The following SLC2A9 variants were observed in gnomAD, a reference collection of about 807,000 sequenced individuals.
SLC2A9 encodes solute carrier family 2, facilitated glucose transporter member 9.
A neutral mutation model predicts 50.6 loss-of-function variants in SLC2A9; 39 were observed. The ratio of observed to expected loss-of-function variants is 0.77; its 90% CI spans 0.60 to 1.01. The LOEUF is 1.01. Ranked by LOEUF, SLC2A9 falls within the 50% of genes least tolerant of loss-of-function variation. SLC2A9 has a pLI of 0.00. For synonymous variants in SLC2A9, 324 were observed against 276.9 expected, an observed-to-expected ratio of 1.17 and a Z score of -1.69; for missense variants, 686 against 677.6, an observed-to-expected ratio of 1.01 and a Z score of -0.14.
intron 11 of SLC2A9, among the ~76,000 whole-genome samples, chr4:9,833,640 C>T (rs941799852): frequency 6.6e-6 from 1 of 152,094 alleles, no homozygotes; most frequent in Non-Finnish European, 1.5e-5. Context: ...CTTGGAGTGC[C>T]GCAAATACTG....
At chr4:10,004,414 A>G (rs1760404639) in intron 2 of SLC2A9, among the ~76,000 whole-genome samples, 1 of 152,170 alleles carries the variant, frequency 6.6e-6, no homozygotes, top group Admixed American at 6.5e-5. Flanking sequence ...CAAGGAGTGT[A>G]AGTACAAGGG....
chr4:9,870,025 G>A (rs889640487), intron 10 of SLC2A9, among the ~76,000 whole-genome samples: 1 of 152,360 alleles, frequency 6.6e-6, no homozygotes, highest in Non-Finnish European at 1.5e-5. Context: ...CATAGGGGAA[G>A]GCCTGTGAAG....
chr4:9,870,580 A>C lies in SLC2A9; in HGVS notation c.1291+16987T>G, dbSNP rs76676064. Reference sequence around the variant, plus strand: ...GGTTTTCTGGAGGGTTTTGGCAAAAAATCATAAGGAACACTGCCACGTTTT... The same window carrying C: ...GGTTTTCTGGAGGGTTTTGGCAAAACATCATAAGGAACACTGCCACGTTTT... On this transcript the variant is annotated intron_variant, in intron 10 of 11. Coordinates refer to ENST00000264784, the MANE Select transcript of SLC2A9 (RefSeq NM_020041.3). Among the ~76,000 whole-genome samples, 530 of 152,336 alleles carry C rather than the reference A, an allele frequency of 3.5e-3. 4 individuals carry two copies. Among genetic ancestry groups the C allele is most frequent in the African/African-American group, 0.012 (479 of 41,576 alleles).
intron 10 of SLC2A9, among the ~76,000 whole-genome samples, chr4:9,837,052 G>A (rs991618934): frequency 3.3e-5 from 5 of 152,124 alleles, no homozygotes; most frequent in African/African-American, 1.2e-4. Flanking sequence ...AGCAAGGCTT[G>A]CACTCCAACA....
At chr4:9,892,384 G>T (rs987620944) in intron 8 of SLC2A9, among the ~76,000 whole-genome samples, 2 of 152,216 alleles carry the variant, frequency 1.3e-5, no homozygotes, top group African/African-American at 4.8e-5. Flanking sequence ...CTTCTGGTCA[G>T]AAATGCCTTT....
At position 9,872,011 on chromosome 4, in the gene SLC2A9, A is replaced by G. The variant is rs372496138; in HGVS notation, c.1291+15556T>C. Among the ~76,000 whole-genome samples the G allele has an allele frequency of 1.2e-3, 180 of 152,230 alleles. 1 individual carries two copies. Among genetic ancestry groups the G allele is most frequent in the Middle Eastern group, 3.4e-3 (1 of 294 alleles). ...GGAATCATTCAGGAAATATGTGGAA[A>G]TGCTGTCCCTAGGCCTCCTCAGCAG... is the stretch of plus-strand genomic sequence containing the variant. On this transcript the variant is annotated intron_variant, in intron 10 of 11. Transcript: ENST00000264784.
intron 10 of SLC2A9, among the ~76,000 whole-genome samples, chr4:9,839,134 T>TA (rs1727588338): frequency 6.6e-6 from 1 of 151,398 alleles, no homozygotes; most frequent in African/African-American, 2.4e-5. Flanking sequence ...ATATGAAACT[T>TA]AAACAAATTT....
chr4:9,877,210 T>G lies in SLC2A9; in HGVS notation c.1291+10357A>C, dbSNP rs562019578. On this transcript the variant is annotated intron_variant, in intron 10 of 11. Coordinates refer to ENST00000264784, the MANE Select transcript of SLC2A9 (RefSeq NM_020041.3). ...CAAGGCCACGGATAGGGTTCTTTCT[T>G]TCATCTATTATTTGTTCATTCACTT... 2.6e-5 allele frequency among the ~76,000 whole-genome samples: 4 copies of G among 152,302 alleles called. No homozygotes were observed. In the South Asian group the frequency reaches 8.3e-4, roughly 32 times the overall value.
downstream of SLC2A9, among the ~76,000 whole-genome samples, chr4:9,824,358 T>C (rs776362744): frequency 6.6e-6 from 1 of 152,180 alleles, no homozygotes; most frequent in Non-Finnish European, 1.5e-5. Flanking sequence ...GTTTCAGGTA[T>C]TCTGTTATAA....
At chr4:9,779,114 G>A (rs1467309142), downstream of SLC2A9, among the ~76,000 whole-genome samples, 2 of 152,134 alleles carry the variant, frequency 1.3e-5, no homozygotes, top group African/African-American at 2.4e-5. Context: ...CTTCCCAGAT[G>A]AGAGAACTGA....
intron 1 of SLC2A9, among the ~76,000 whole-genome samples, chr4:10,038,801 T>G (rs146274526): frequency 1.3e-5 from 2 of 152,222 alleles, no homozygotes; most frequent in Non-Finnish European, 2.9e-5. Flanking sequence ...TTCTTAGGCA[T>G]GGAGGGCTTT....
upstream of SLC2A9, among the ~76,000 whole-genome samples, chr4:10,026,447 G>GA (rs1460178159): frequency 6.6e-6 from 1 of 152,116 alleles, no homozygotes; most frequent in African/African-American, 2.4e-5. Context: ...GCTACTGTGG[G>GA]AAAAAGTTTG....
At chr4:9,872,857 A>C (rs1275728139) in intron 10 of SLC2A9, among the ~76,000 whole-genome samples, 1 of 152,260 alleles carries the variant, frequency 6.6e-6, no homozygotes, top group Admixed American at 6.5e-5. Context: ...AAAAGAGATA[A>C]GGTAAATCCA....
chr4:9,867,102 A>T (rs1388906209), intron 10 of SLC2A9, among the ~76,000 whole-genome samples: 1 of 152,230 alleles, frequency 6.6e-6, no homozygotes, highest in African/African-American at 2.4e-5. Flanking sequence ...CAGCGTGTGA[A>T]TGCAATGGGC....
downstream of SLC2A9, among the ~76,000 whole-genome samples, chr4:9,777,914 C>G (rs1460733247): frequency 6.6e-6 from 1 of 152,204 alleles, no homozygotes; most frequent in African/African-American, 2.4e-5. Context: ...GAGGTTCAAA[C>G]ATTGCTAAGT....
chr4:10,039,172 G>A (rs1764199530), intron 1 of SLC2A9, among the ~76,000 whole-genome samples: 3 of 152,244 alleles, frequency 2.0e-5, no homozygotes. Context: ...GACCTGGAAT[G>A]TCCCTTAACA....
intron 7 of SLC2A9, among the ~76,000 whole-genome samples, chr4:9,917,132 T>C (rs1220990504): frequency 6.6e-6 from 1 of 152,150 alleles, no homozygotes; most frequent in African/African-American, 2.4e-5. Context: ...GTTTTCATGC[T>C]GAGGACAAAC....
downstream of SLC2A9, among the ~76,000 whole-genome samples, chr4:9,779,488 C>G (rs1718032164): frequency 6.8e-6 from 1 of 147,678 alleles, no homozygotes; most frequent in South Asian, 2.2e-4. Context: ...GATCTCGGCT[C>G]ACTGCAAGCT....
intron 2 of SLC2A9, among the ~76,000 whole-genome samples, chr4:10,018,546 T>TGATAGATGATAGATA (rs1553915026): frequency 6.2e-5 from 9 of 145,332 alleles, no homozygotes; most frequent in African/African-American, 2.3e-4. Context: ...ATCTCAAAGA[T>TGATAGATGATAGATA]GATAGATAGA....
Sources: gnomAD v4.1 joint callset for allele counts (sites outside exome capture counted in the v4.1 genomes callset) on GRCh38, gnomAD v4.1.1 for gene constraint, MANE v1.5 for transcripts, NCBI Gene and HGNC (gene_info 2026-07-23, HGNC 2026-07-21) for gene names.